ITPR2: variants seen among roughly 807,000 people sequenced by gnomAD.
ITPR2 encodes the protein inositol 1,4,5-trisphosphate receptor type 2.
In ITPR2, 207 loss-of-function variants were observed where a neutral mutation model predicts 317.1. That is an observed-to-expected ratio of 0.65 (90% CI 0.58 to 0.73). The LOEUF is 0.73. Among genes scored for constraint, ITPR2 ranks in the 30% least tolerant of loss-of-function variants. ITPR2 has a pLI of 0.00. For synonymous variants in ITPR2, 1,156 were observed against 1,149.1 expected (o/e 1.01, Z -0.12); for missense variants, 2,613 against 3,284.0 (o/e 0.80, Z 4.99).
At chr12:26,531,573 T>A (rs1017950133) in intron 37 of ITPR2, among the ~76,000 whole-genome samples, 2 of 152,160 alleles carry the variant, frequency 1.3e-5, no homozygotes, top group African/African-American at 2.4e-5. Flanking sequence ...GAATAATGTA[T>A]CTCAGATTTT....
chr12:26,420,849 A>C (rs914069801), intron 49 of ITPR2, among the ~76,000 whole-genome samples: 12 of 152,150 alleles, frequency 7.9e-5, no homozygotes, highest in Admixed American at 2.6e-4. Context: ...AATGGTGAAA[A>C]AGAGAGTGTC....
intron 2 of ITPR2, among the ~76,000 whole-genome samples, chr12:26,734,496 T>C (rs1210826136): frequency 6.6e-6 from 1 of 152,134 alleles, no homozygotes; most frequent in Non-Finnish European, 1.5e-5. Flanking sequence ...CTTCAAGCCC[T>C]CCACTCAGAA....
Position 26,658,100 on chromosome 12 carries a change from C to T in ITPR2, c.1917G>A (p.Val639=), listed in dbSNP as rs1047667862. The change falls in exon 17 of 57, where the codon GTG becomes GTA. Residue 639 remains valine (V), a synonymous_variant. Coordinates refer to ENST00000381340, the MANE Select transcript of ITPR2 (RefSeq NM_002223.4). ...TTACAGGGATAGCAGTGGTATTAGA[C>T]ACACACAGATCTGACAAATAATCCA... ...RFLDYLSDLC[V]SNTTAIPVTQ... The T allele has an allele frequency of 6.2e-7, 1 of 1,606,854 alleles. No individual in the cohort carries two copies. Among genetic ancestry groups the T allele is most frequent in the Non-Finnish European group, 8.5e-7 (1 of 1,176,824 alleles).
chr12:26,475,349 C>G lies in ITPR2; in HGVS notation c.6289G>C (p.Asp2097His), dbSNP rs759365541. ...CDHGDDEGGD[D>H]GVSPKDVGHN... ...CCAACATCTTTTGGAGAAACACCAT[C>G]ATCTCCACCCTCATCATCCCCATGG... The change falls in exon 45 of 57, where the codon GAT becomes CAT. Residue 2097 changes from aspartate (D) to histidine (H), a missense_variant. Asp to His is a moderately conservative substitution (Grantham distance 81). Coordinates refer to ENST00000381340, the MANE Select transcript of ITPR2 (RefSeq NM_002223.4). 2.5e-6 allele frequency: 4 copies of G among 1,613,434 alleles called. No individual in the cohort carries two copies. The African/African-American group carries it at 4.0e-5, about 16-fold the overall frequency.
chr12:26,340,401 T>C (rs1205050038), intron 55 of ITPR2, 73 bp from the exon 56 acceptor site: 3 of 1,399,112 alleles, frequency 2.1e-6, no homozygotes, highest in African/African-American at 3.0e-5. Context: ...TGTTTATTAT[T>C]ACTAACATTT....
rs188277300 is a variant in ITPR2 at position 26,578,900 on chromosome 12, T to C, written c.4510-67A>G. The C allele has an allele frequency of 3.9e-4, 566 of 1,464,806 alleles. 7 individuals carry two copies. The East Asian group carries it at 8.2e-3, about 21-fold the overall frequency. The allele number at this position is 1,464,806 out of a possible 1,614,324, so 90.7% of individuals were successfully genotyped here. ...ATTAACAGCCCTGATGTAGCATCTATGCATTCTCAGAAAGGTTCATCAAAA... is the reference window on the plus strand; with the variant it reads ...ATTAACAGCCCTGATGTAGCATCTACGCATTCTCAGAAAGGTTCATCAAAA... On this transcript the variant is annotated intron_variant, in intron 33 of 56. Coordinates refer to ENST00000381340, the MANE Select transcript of ITPR2 (RefSeq NM_002223.4).
intron 9 of ITPR2, among the ~76,000 whole-genome samples, chr12:26,702,360 T>G (rs988082961): frequency 1.4e-5 from 2 of 146,806 alleles, no homozygotes; most frequent in African/African-American, 5.1e-5. Context: ...TATCCATAGG[T>G]TTCTAGCATT....
At chr12:26,418,016 G>GA (rs1940775772) in intron 50 of ITPR2, among the ~76,000 whole-genome samples, 1 of 152,106 alleles carries the variant, frequency 6.6e-6, no homozygotes, top group African/African-American at 2.4e-5. Flanking sequence ...TGTTAGAACG[G>GA]AAAAAATATC....
At position 26,831,825 on chromosome 12, in the gene ITPR2, A is replaced by G. The variant is rs190322546; in HGVS notation, c.92+865T>C. Among the ~76,000 whole-genome samples, 2 of 138,750 alleles carry G rather than the reference A, an allele frequency of 1.4e-5. No individual in the cohort carries two copies. The highest frequency in any genetic ancestry group is 3.0e-5 in the Non-Finnish European group (2 of 65,926). 91.0% of individuals were successfully genotyped at this position (138,750 alleles called of 152,430 possible). On this transcript the variant is annotated intron_variant, in intron 1 of 56. Coordinates refer to ENST00000381340, the MANE Select transcript of ITPR2 (RefSeq NM_002223.4). The surrounding 1 kb of genome is among the most constrained non-coding windows in gnomAD (Gnocchi z 4.9). ...TACATAAAATATATAAATATATATT[A>G]TACATAAAATATATAAATATATATT... is the stretch of plus-strand genomic sequence containing the variant.
chr12:26,511,606 A>C (rs960958025), intron 37 of ITPR2, among the ~76,000 whole-genome samples: 9 of 152,134 alleles, frequency 5.9e-5, no homozygotes, highest in Admixed American at 5.9e-4. Flanking sequence ...TAATTTCCTA[A>C]TAGATTTTTT....
intron 34 of ITPR2, among the ~76,000 whole-genome samples, chr12:26,565,958 A>AGAGGG (rs1944961811): frequency 1.0e-4 from 1 of 9,528 alleles, no homozygotes; most frequent in African/African-American, 4.9e-4. Context: ...AGAGGGGAGG[A>AGAGGG]GAGGAGAGGG....
At position 26,399,601 on chromosome 12, in the gene ITPR2, C is replaced by T. The variant is rs1040301138; in HGVS notation, c.7530+527G>A. Among the ~76,000 whole-genome samples, 7 of 152,324 alleles carry T rather than the reference C, an allele frequency of 4.6e-5. No homozygotes were observed. In the East Asian group the frequency reaches 1.3e-3, roughly 29 times the overall value. ...GGTTAGATGATTTGACAATATGATACAACTGGCCGGAGCAGAGCTAAGATT... is the reference window on the plus strand; with the variant it reads ...GGTTAGATGATTTGACAATATGATATAACTGGCCGGAGCAGAGCTAAGATT... On this transcript the variant is annotated intron_variant, in intron 53 of 56. Transcript: ENST00000381340.
At chr12:26,500,906 T>G (rs1392101138) in intron 37 of ITPR2, among the ~76,000 whole-genome samples, 1 of 152,166 alleles carries the variant, frequency 6.6e-6, no homozygotes, top group Non-Finnish European at 1.5e-5. Flanking sequence ...CAAGGATGTG[T>G]GATATTTGAG....
intron 2 of ITPR2, among the ~76,000 whole-genome samples, chr12:26,765,624 G>GT (rs1413977595): frequency 6.6e-6 from 1 of 151,964 alleles, no homozygotes; most frequent in Non-Finnish European, 1.5e-5. Flanking sequence ...ATACCTTTTG[G>GT]TTTTTTAACA....
rs751306324 is a variant in ITPR2 at position 26,439,303 on chromosome 12, C to T, written c.6467G>A (p.Arg2156Lys). Residue 2156 changes from arginine (R) to lysine (K), a missense_variant, in exon 47 of 57, where the codon AGG becomes AAG. Transcript: ENST00000381340. Reference protein sequence around the residue: ...TAQIEIVRHDRTMEQIVFPVP... With the variant: ...TAQIEIVRHDKTMEQIVFPVP... ...AGGAAAAACTATTTGTTCCATGGTC[C>T]TATCATGCCGGACAATCTGAAAACA... is the stretch of plus-strand genomic sequence containing the variant. 1.9e-6 allele frequency: 3 copies of T among 1,604,178 alleles called. No individual in the cohort carries two copies. Among genetic ancestry groups the T allele is most frequent in the African/African-American group, 2.7e-5 (2 of 74,494 alleles).
intron 9 of ITPR2, among the ~76,000 whole-genome samples, chr12:26,700,766 C>T (rs1352708891): frequency 6.6e-6 from 1 of 152,002 alleles, no homozygotes; most frequent in Non-Finnish European, 1.5e-5. Flanking sequence ...GGGCAGTGGT[C>T]CAAGGAAGAG....
intron 55 of ITPR2, among the ~76,000 whole-genome samples, chr12:26,383,640 C>A (rs1283807560): frequency 1.4e-5 from 2 of 147,552 alleles, no homozygotes; most frequent in African/African-American, 5.1e-5. Flanking sequence ...CCCACCACCA[C>A]GCCTGGCTAA....
chr12:26,484,135 ATG>A (rs1942606891), intron 41 of ITPR2, among the ~76,000 whole-genome samples: 1 of 151,268 alleles, frequency 6.6e-6, no homozygotes, highest in Admixed American at 6.6e-5. Flanking sequence ...ATGTGTGTAT[ATG>A]TGTGTATATA....
At chr12:26,668,192 G>A (rs1947670331) in intron 13 of ITPR2, among the ~76,000 whole-genome samples, 1 of 152,164 alleles carries the variant, frequency 6.6e-6, no homozygotes, top group South Asian at 2.1e-4. Flanking sequence ...ACACAGTGAG[G>A]AACAGGGATG....
Sources: gnomAD v4.1 joint callset for allele counts (sites outside exome capture counted in the v4.1 genomes callset) on GRCh38, gnomAD v4.1.1 for gene constraint, Gnocchi (gnomAD v3.1) non-coding constraint, MANE v1.5 for transcripts, NCBI Gene and HGNC (gene_info 2026-07-23, HGNC 2026-07-21) for gene names.